The following GRID1 variants were observed in gnomAD, a reference collection of about 807,000 sequenced individuals.
GRID1 encodes glutamate receptor ionotropic, delta-1.
A neutral mutation model predicts 98.0 loss-of-function variants in GRID1; 28 were observed. The observed-to-expected ratio is 0.29, with a 90% confidence interval of 0.21 to 0.39. The LOEUF (loss-of-function observed/expected upper bound fraction) is 0.39. GRID1 is among the 10% of genes least tolerant of loss of function. The pLI, the probability that GRID1 is intolerant of heterozygous loss-of-function variation, is 1.00. For synonymous variants in GRID1, 553 were observed against 538.5 expected, an observed-to-expected ratio of 1.03 and a Z score of -0.37; for missense variants, 1,111 against 1,340.5, an observed-to-expected ratio of 0.83 and a Z score of 2.67.
intron 2 of GRID1, among the ~76,000 whole-genome samples, chr10:86,249,053 G>A (rs753971751): frequency 2.1e-4 from 32 of 152,316 alleles, no homozygotes; most frequent in Non-Finnish European, 3.5e-4. Flanking sequence ...CCAGGGGGCC[G>A]AGATCAGCAC....
chr10:85,620,440 G>A (rs1163458711), intron 13 of GRID1, among the ~76,000 whole-genome samples: 2 of 151,378 alleles, frequency 1.3e-5, no homozygotes, highest in Admixed American at 1.3e-4. Context: ...AATATTTGGG[G>A]ATGAGGAATA....
intron 8 of GRID1, among the ~76,000 whole-genome samples, chr10:85,750,801 T>C (rs1290260691): frequency 6.6e-6 from 1 of 152,162 alleles, no homozygotes; most frequent in Admixed American, 6.5e-5. Context: ...AAGATGATCA[T>C]CAGAGAACTA....
intron 12 of GRID1, among the ~76,000 whole-genome samples, chr10:85,676,692 G>GC (rs1398904348): frequency 6.6e-6 from 1 of 152,192 alleles, no homozygotes; most frequent in Non-Finnish European, 1.5e-5. Flanking sequence ...AAGCAATGAG[G>GC]CACAGCACTG....
intron 5 of GRID1, among the ~76,000 whole-genome samples, chr10:85,897,912 CCTT>C (rs1262892978): frequency 1.3e-5 from 2 of 152,268 alleles, no homozygotes; most frequent in African/African-American, 2.4e-5. Flanking sequence ...GGCATCTCAC[CCTT>C]CTTCTCTCTG....
At chr10:85,637,021 T>G (rs563743997) in intron 13 of GRID1, among the ~76,000 whole-genome samples, 3 of 152,190 alleles carry the variant, frequency 2.0e-5, no homozygotes, top group Non-Finnish European at 4.4e-5. Flanking sequence ...TTAAATAAAA[T>G]TTTTACATCA....
At chr10:85,835,634 T>C (rs576731652) in intron 8 of GRID1, among the ~76,000 whole-genome samples, 23 of 152,352 alleles carry the variant, frequency 1.5e-4, no homozygotes, top group African/African-American at 5.3e-4. Flanking sequence ...GTCTTGGGTA[T>C]GTCTTTATTA....
At chr10:85,968,751 T>C (rs1842370936) in intron 4 of GRID1, among the ~76,000 whole-genome samples, 1 of 152,126 alleles carries the variant, frequency 6.6e-6, no homozygotes, top group South Asian at 2.1e-4. Context: ...AGAAAATATA[T>C]ATTGAATGCA....
At chr10:85,744,535 T>C (rs1412075772) in intron 8 of GRID1, among the ~76,000 whole-genome samples, 2 of 141,966 alleles carry the variant, frequency 1.4e-5, no homozygotes, top group African/African-American at 2.7e-5. Flanking sequence ...AAGCTGAAAC[T>C]GGATCCCTTC....
rs1198471392 is a variant in GRID1 at position 86,184,461 on chromosome 10, CTT to C, written c.520+21901_520+21902del. On this transcript the variant is annotated intron_variant, in intron 3 of 15. Coordinates refer to ENST00000327946, the MANE Select transcript of GRID1 (RefSeq NM_017551.3). ...GGTGATTGTAGTATATTTCTTTTTT[CTT>C]TTTTTTTTTTTTTTTGCATACAGAA... is the stretch of plus-strand genomic sequence containing the variant. Among the ~76,000 whole-genome samples, 851 of 122,996 alleles carry C rather than the reference CTT, an allele frequency of 6.9e-3. 18 individuals carry two copies. The East Asian group carries it at 0.092, about 13-fold the overall frequency. 80.7% of individuals were successfully genotyped at this position (122,996 alleles called of 152,430 possible).
chr10:86,211,143 A>G (rs1312324355), intron 2 of GRID1, among the ~76,000 whole-genome samples: 1 of 152,222 alleles, frequency 6.6e-6, no homozygotes, highest in Non-Finnish European at 1.5e-5. Context: ...AAAGGTCTTT[A>G]TATGTGGACA....
At chr10:85,654,972 C>A (rs980396389) in intron 12 of GRID1, among the ~76,000 whole-genome samples, 4 of 152,214 alleles carry the variant, frequency 2.6e-5, no homozygotes, top group African/African-American at 9.6e-5. Flanking sequence ...CTGATGAGGT[C>A]AAATAACTGT....
In GRID1 at chr10:85,812,779, A is replaced by G. The variant is rs181146752; in HGVS notation, c.1233+41717T>C. Among the ~76,000 whole-genome samples, 514 of 151,034 alleles carry G rather than the reference A, an allele frequency of 3.4e-3. 2 individuals are homozygous for G. Among genetic ancestry groups the G allele is most frequent in the Admixed American group, 7.2e-3 (110 of 15,180 alleles). On this transcript the variant is annotated intron_variant, in intron 8 of 15. Transcript: ENST00000327946. ...CTCCCCCCAATCTCTCTCTTTCACT[A>G]CATATTTGTGTGTGTCTATATATAC...
chr10:85,917,426 G>T (rs1264177604), intron 4 of GRID1, among the ~76,000 whole-genome samples: 1 of 151,946 alleles, frequency 6.6e-6, no homozygotes, highest in East Asian at 1.9e-4. Flanking sequence ...GTTGTTTGAG[G>T]TGTCACCTTC....
At chr10:86,318,067 A>C (rs1462927161) in intron 2 of GRID1, among the ~76,000 whole-genome samples, 1 of 152,054 alleles carries the variant, frequency 6.6e-6, no homozygotes, top group Non-Finnish European at 1.5e-5. Context: ...TATAGACTGA[A>C]GGGCTGGGCT....
At chr10:86,296,839 G>A (rs1236799740) in intron 2 of GRID1, among the ~76,000 whole-genome samples, 1 of 151,592 alleles carries the variant, frequency 6.6e-6, no homozygotes, top group Admixed American at 6.6e-5. Flanking sequence ...ACATAAAAAT[G>A]ATTATTCTAC....
At chr10:86,005,472 G>A (rs187184837) in intron 4 of GRID1, among the ~76,000 whole-genome samples, 1 of 152,324 alleles carries the variant, frequency 6.6e-6, no homozygotes, top group East Asian at 1.9e-4. Context: ...TGTAGATTAG[G>A]TAGCAGGGGA....
At chr10:85,719,665 C>G (rs1413772414) in intron 12 of GRID1, among the ~76,000 whole-genome samples, 3 of 152,054 alleles carry the variant, frequency 2.0e-5, no homozygotes, top group Admixed American at 2.0e-4. Context: ...GTCCCTCCCA[C>G]AACACGTGGG....
intron 2 of GRID1, among the ~76,000 whole-genome samples, chr10:86,294,581 A>T (rs1432095225): frequency 6.6e-6 from 1 of 152,138 alleles, no homozygotes; most frequent in East Asian, 1.9e-4. Context: ...ACTGGACCTG[A>T]GCACTGGAGG....
intron 5 of GRID1, among the ~76,000 whole-genome samples, chr10:85,915,548 C>A (rs1450954170): frequency 6.6e-6 from 1 of 151,724 alleles, no homozygotes; most frequent in Non-Finnish European, 1.5e-5. Flanking sequence ...TACACTTGCA[C>A]ATGCATGCAC....
Sources: allele counts gnomAD v4.1 joint callset (sites outside exome capture counted in the v4.1 genomes callset), GRCh38; gene constraint gnomAD v4.1.1; transcripts MANE v1.5; gene names NCBI Gene and HGNC (gene_info 2026-07-23, HGNC 2026-07-21).